Variants in LINGO1 observed in about 807,000 individuals in gnomAD.
The protein encoded by LINGO1 is leucine rich repeat and Ig domain containing 1.
LINGO1 carries 11 observed loss-of-function variants against 37.3 expected under a neutral mutation model. That is an observed-to-expected ratio of 0.29 (90% CI 0.19 to 0.49). The LOEUF (loss-of-function observed/expected upper bound fraction) is 0.49, where lower values mean the gene tolerates loss of function less well. Ranked by LOEUF, LINGO1 falls within the 20% of genes least tolerant of loss-of-function variation. LINGO1 has a pLI of 0.99. For synonymous variants in LINGO1, 387 were observed against 403.0 expected (o/e 0.96, Z 0.48); for missense variants, 585 against 878.2 (o/e 0.67, Z 4.22).
chr15:77,666,466 A>T (rs1019387708), intron 3 of LINGO1, among the ~76,000 whole-genome samples: 15 of 152,176 alleles, frequency 9.9e-5, no homozygotes, highest in African/African-American at 3.4e-4. Context: ...GTGAGCCGGC[A>T]CTGGGTGAGG....
chr15:77,615,639 C>T lies in LINGO1; in HGVS notation c.268G>A (p.Glu90Lys), dbSNP rs751063775. 2.5e-6 allele frequency: 4 copies of T among 1,612,056 alleles called. No individual in the cohort carries two copies. Among genetic ancestry groups the T allele is most frequent in the Non-Finnish European group, 3.4e-6 (4 of 1,179,206 alleles). The change falls in exon 2 of 2, where the codon GAG becomes AAG. Residue 90 changes from glutamate (E) to lysine (K), a missense_variant. Coordinates refer to ENST00000355300, the MANE Select transcript of LINGO1 (RefSeq NM_032808.7). ...TCCAGGTGCGGGAAGCTGGCGAACT[C>T]GTCCTGGTTGAGCGTTTTGATGCGG... The part of the protein sequence containing the change: ...KNRIKTLNQD[E>K]FASFPHLEEL...
chr15:77,807,494 A>G (rs1471290834), intron 1 of LINGO1, among the ~76,000 whole-genome samples: 1 of 152,162 alleles, frequency 6.6e-6, no homozygotes, highest in Non-Finnish European at 1.5e-5. Context: ...CCTCTAGGGA[A>G]TGAATGGATG....
At chr15:77,667,276 G>A (rs553821422) in intron 3 of LINGO1, among the ~76,000 whole-genome samples, 1 of 152,336 alleles carries the variant, frequency 6.6e-6, no homozygotes, top group Admixed American at 6.5e-5. Context: ...TAGGGCTGAG[G>A]AGCTGCTCTC....
At chr15:77,697,796 CT>C (rs1389641774), upstream of LINGO1, among the ~76,000 whole-genome samples, 2 of 152,086 alleles carry the variant, frequency 1.3e-5, no homozygotes, top group Non-Finnish European at 2.9e-5. Context: ...ATGAAAGGAT[CT>C]TTGAAGGGGT....
intron 1 of LINGO1, among the ~76,000 whole-genome samples, chr15:77,809,762 C>T (rs1016190331): frequency 2.0e-5 from 3 of 152,222 alleles, no homozygotes; most frequent in East Asian, 3.8e-4. Context: ...GAGCAGAGGA[C>T]GCCCAGCCCC....
At chr15:77,743,096 G>A (rs185021323) in intron 1 of LINGO1, among the ~76,000 whole-genome samples, 3 of 152,174 alleles carry the variant, frequency 2.0e-5, no homozygotes, top group African/African-American at 7.2e-5. Flanking sequence ...CTGAAAGGGT[G>A]GGGGGTGGAA....
chr15:77,621,734 CAG>C (rs1478545684), intron 1 of LINGO1, among the ~76,000 whole-genome samples: 1 of 152,262 alleles, frequency 6.6e-6, no homozygotes, highest in Admixed American at 6.5e-5. Flanking sequence ...CACGTGTACT[CAG>C]TGTTTTTCCA....
At chr15:77,685,053 G>C (rs2075481632) in intron 2 of LINGO1, among the ~76,000 whole-genome samples, 1 of 150,352 alleles carries the variant, frequency 6.7e-6, no homozygotes, top group African/African-American at 2.5e-5. Flanking sequence ...GGAAGCTCCA[G>C]GGGCCAGAGG....
chr15:77,650,585 T>G (rs921540465), intron 3 of LINGO1, among the ~76,000 whole-genome samples: 5 of 152,138 alleles, frequency 3.3e-5, no homozygotes, highest in Non-Finnish European at 7.4e-5. Context: ...TTGTCTGTCA[T>G]GGACTCCCAC....
At chr15:77,809,203 C>T (rs888685998) in intron 1 of LINGO1, among the ~76,000 whole-genome samples, 1 of 152,220 alleles carries the variant, frequency 6.6e-6, no homozygotes, top group Non-Finnish European at 1.5e-5. Flanking sequence ...AGCATGCCTC[C>T]CCTCCAGCCC....
chr15:77,640,018 T>A (rs2074470280), intron 3 of LINGO1, among the ~76,000 whole-genome samples: 1 of 152,166 alleles, frequency 6.6e-6, no homozygotes. Context: ...TACTATCTCA[T>A]CTTACAGTGG....
upstream of LINGO1, among the ~76,000 whole-genome samples, chr15:77,788,899 C>T (rs983455098): frequency 6.6e-6 from 1 of 152,176 alleles, no homozygotes; most frequent in Non-Finnish European, 1.5e-5. Context: ...GGGATTGGAT[C>T]ACGACAAGTA....
intron 3 of LINGO1, chr15:77,646,544 C>T (rs2074634574): frequency 2.4e-6 from 1 of 418,854 alleles, no homozygotes; most frequent in East Asian, 7.6e-5. Context: ...CACACACAGG[C>T]AGGAACCTGG....
At chr15:77,666,547 A>T (rs1283673025) in intron 3 of LINGO1, among the ~76,000 whole-genome samples, 3 of 152,196 alleles carry the variant, frequency 2.0e-5, no homozygotes, top group Admixed American at 6.5e-5. Flanking sequence ...GAAATGACTT[A>T]GGGGCTGAAG....
intron 3 of LINGO1, among the ~76,000 whole-genome samples, chr15:77,675,785 G>A (rs558475496): frequency 2.6e-5 from 4 of 152,234 alleles, no homozygotes; most frequent in African/African-American, 9.6e-5. Flanking sequence ...ATTCTGCTTA[G>A]GGAGAAAATA....
At chr15:77,725,907 A>C (rs925395342) in intron 2 of LINGO1, among the ~76,000 whole-genome samples, 1 of 151,704 alleles carries the variant, frequency 6.6e-6, no homozygotes, top group South Asian at 2.1e-4. Flanking sequence ...CCCCACCACT[A>C]CTCCTGTATC....
At chr15:77,811,728 T>G (rs983659476) in intron 1 of LINGO1, among the ~76,000 whole-genome samples, 1 of 152,336 alleles carries the variant, frequency 6.6e-6, no homozygotes, top group South Asian at 2.1e-4. Flanking sequence ...CACTTAAGAT[T>G]AGGCAGAAAT....
intron 2 of LINGO1, among the ~76,000 whole-genome samples, chr15:77,702,747 A>G (rs1333751844): frequency 6.6e-6 from 1 of 152,076 alleles, no homozygotes; most frequent in African/African-American, 2.4e-5. Flanking sequence ...ACACACACCA[A>G]TGGCTAAGCT....
At chr15:77,730,045 C>T (rs1412966297) in intron 2 of LINGO1, among the ~76,000 whole-genome samples, 3 of 152,086 alleles carry the variant, frequency 2.0e-5, no homozygotes, top group African/African-American at 7.2e-5. Flanking sequence ...ATGAAAAACT[C>T]AGGACTGGAG....
Sources: allele counts gnomAD v4.1 joint callset (sites outside exome capture counted in the v4.1 genomes callset), GRCh38; gene constraint gnomAD v4.1.1; transcripts MANE v1.5; gene names NCBI Gene and HGNC (gene_info 2026-07-23, HGNC 2026-07-21).